Variants in PTPRD observed in about 807,000 individuals in gnomAD.
PTPRD encodes the protein receptor-type tyrosine-protein phosphatase delta.
PTPRD carries 34 observed loss-of-function variants against 214.5 expected under a neutral mutation model. The ratio of observed to expected loss-of-function variants is 0.16; its 90% confidence interval spans 0.12 to 0.21. PTPRD has a LOEUF of 0.21. Ranked by LOEUF, PTPRD falls within the 10% of genes least tolerant of loss-of-function variation. The pLI, the probability that PTPRD is intolerant of heterozygous loss-of-function variation, is 1.00. For missense variants in PTPRD, 2,545 were observed against 2,398.7 expected (o/e 1.06, Z -1.27); for synonymous variants, 1,128 against 845.7 (o/e 1.33, Z -5.79).
intron 3 of PTPRD, among the ~76,000 whole-genome samples, chr9:10,277,972 C>T (rs1056031894): frequency 1.1e-4 from 17 of 151,954 alleles, no homozygotes; most frequent in Non-Finnish European, 2.5e-4. Context: ...TCGTGGCTAA[C>T]GAGGGAGAAA....
chr9:9,797,246 T>A (rs1017145821), intron 5 of PTPRD, among the ~76,000 whole-genome samples: 8 of 149,364 alleles, frequency 5.4e-5, no homozygotes, highest in Admixed American at 1.3e-4. Flanking sequence ...TCAGGCAGTT[T>A]TTTTTTTTTT....
At chr9:8,636,467 C>T (rs1338253450) in intron 13 of PTPRD, among the ~76,000 whole-genome samples, 1 of 152,060 alleles carries the variant, frequency 6.6e-6, no homozygotes. Context: ...ACAGACTAAT[C>T]CTAGGAATAC....
chr9:8,461,119 T>C (rs1161090776), intron 32 of PTPRD, among the ~76,000 whole-genome samples: 1 of 152,122 alleles, frequency 6.6e-6, no homozygotes, highest in Non-Finnish European at 1.5e-5. Context: ...TACTTAATAC[T>C]ACTGCATATT....
intron 11 of PTPRD, among the ~76,000 whole-genome samples, chr9:8,924,319 C>A (rs1288320333): frequency 6.6e-6 from 1 of 152,082 alleles, no homozygotes; most frequent in Admixed American, 6.5e-5. Context: ...TTATTGAATT[C>A]TCAATAGTTC....
intron 14 of PTPRD, among the ~76,000 whole-genome samples, chr9:8,558,321 C>T (rs1441601096): frequency 6.6e-6 from 1 of 152,202 alleles, no homozygotes; most frequent in East Asian, 1.9e-4. Context: ...GAAGAATAAA[C>T]ATGAGCTGAG....
chr9:9,808,458 T>C (rs1013010710), intron 5 of PTPRD, among the ~76,000 whole-genome samples: 1 of 152,064 alleles, frequency 6.6e-6, no homozygotes, highest in Non-Finnish European at 1.5e-5. Flanking sequence ...GATTAACCAC[T>C]AGAGAAAAGA....
chr9:10,270,249 T>C (rs530028901), intron 3 of PTPRD, among the ~76,000 whole-genome samples: 55 of 100,784 alleles, frequency 5.5e-4, no homozygotes, highest in Non-Finnish European at 1.1e-3. Flanking sequence ...TAAATGTTTT[T>C]TAAGAATGGT....
intron 7 of PTPRD, among the ~76,000 whole-genome samples, chr9:9,592,505 G>A (rs1385585803): frequency 6.6e-6 from 1 of 152,004 alleles, no homozygotes; most frequent in Non-Finnish European, 1.5e-5. Context: ...AACAGTAGGA[G>A]AAGGTAATAA....
chr9:8,402,289 G>C (rs766926998), intron 36 of PTPRD, among the ~76,000 whole-genome samples: 18 of 152,084 alleles, frequency 1.2e-4, no homozygotes, highest in Non-Finnish European at 1.9e-4. Context: ...AAGTGCTTTT[G>C]CTTTTATAAT....
chr9:8,523,471 AAT>A, intron 19 of PTPRD, 40 bp downstream of exon 19: 1 of 1,601,968 alleles, frequency 6.2e-7, no homozygotes. Context: ...TGGTTTAATT[AAT>A]AGTTTTGTAA....
chr9:8,541,628 C>G (rs1564188380), intron 14 of PTPRD, among the ~76,000 whole-genome samples: 1 of 152,058 alleles, frequency 6.6e-6, no homozygotes, highest in Non-Finnish European at 1.5e-5. Context: ...CCTGGCCTTC[C>G]AGTGCTGGGA....
intron 3 of PTPRD, among the ~76,000 whole-genome samples, chr9:10,124,898 A>C (rs2098804062): frequency 6.6e-6 from 1 of 152,206 alleles, no homozygotes; most frequent in South Asian, 2.1e-4. Context: ...GGGATAATCT[A>C]AAGGCAAGAA....
intron 8 of PTPRD, among the ~76,000 whole-genome samples, chr9:9,449,322 T>C (rs1245170675): frequency 1.3e-5 from 2 of 152,104 alleles, no homozygotes; most frequent in Non-Finnish European, 2.9e-5. Context: ...ATCTCAAACA[T>C]TATTAACAGA....
At chr9:10,289,913 G>T (rs1203560903) in intron 3 of PTPRD, among the ~76,000 whole-genome samples, 1 of 152,194 alleles carries the variant, frequency 6.6e-6, no homozygotes, top group African/African-American at 2.4e-5. Flanking sequence ...ATGTGCAGCT[G>T]CTGAGGAGCG....
chr9:9,256,140 G>C (rs1009040453), intron 9 of PTPRD, among the ~76,000 whole-genome samples: 2 of 151,996 alleles, frequency 1.3e-5, no homozygotes, highest in African/African-American at 4.8e-5. Flanking sequence ...CTTGTATAGA[G>C]TGGCCTTAGA....
At chr9:10,542,952 T>C (rs1042336238) in intron 2 of PTPRD, among the ~76,000 whole-genome samples, 11 of 152,148 alleles carry the variant, frequency 7.2e-5, no homozygotes, top group Admixed American at 2.6e-4. Flanking sequence ...GGTGTCTCCA[T>C]GTTGGTCGCA....
intron 2 of PTPRD, among the ~76,000 whole-genome samples, chr9:10,574,638 G>C (rs939494219): frequency 6.6e-6 from 1 of 151,834 alleles, no homozygotes; most frequent in Admixed American, 6.6e-5. Flanking sequence ...AGCTTACACA[G>C]GAAGTTTTCA....
intron 10 of PTPRD, among the ~76,000 whole-genome samples, chr9:9,066,533 A>T (rs191238693): frequency 6.9e-6 from 1 of 144,996 alleles, no homozygotes; most frequent in African/African-American, 2.4e-5. Context: ...TATGAATGTG[A>T]CCTCATATGA....
intron 14 of PTPRD, among the ~76,000 whole-genome samples, chr9:8,553,024 A>C (rs2082579165): frequency 6.6e-6 from 1 of 152,172 alleles, no homozygotes; most frequent in Admixed American, 6.5e-5. Context: ...GAGACAGTAT[A>C]AATCACTTGA....
Sources: allele counts gnomAD v4.1 joint callset (sites outside exome capture counted in the v4.1 genomes callset), GRCh38; gene constraint gnomAD v4.1.1; transcripts MANE v1.5; gene names NCBI Gene and HGNC (gene_info 2026-07-23, HGNC 2026-07-21).